The following SERPINC1 variants were observed in gnomAD, a reference collection of about 807,000 sequenced individuals.
The protein encoded by SERPINC1 is serpin family C member 1, also known as antithrombin-III.
Under a neutral mutation model 43.4 loss-of-function variants are expected in SERPINC1, and 12 were observed. That is an observed-to-expected ratio of 0.28 (90% CI 0.18 to 0.45). SERPINC1 has a LOEUF of 0.45. Ranked by LOEUF, SERPINC1 falls within the 20% of genes least tolerant of loss-of-function variation. SERPINC1 has a pLI of 1.00. For missense variants in SERPINC1, 423 were observed against 578.8 expected (o/e 0.73, Z 2.76); for synonymous variants, 210 against 218.9 (o/e 0.96, Z 0.36).
At chr1:173,905,580 G>A (rs1416735729) in intron 6 of SERPINC1, among the ~76,000 whole-genome samples, 1 of 152,066 alleles carries the variant, frequency 6.6e-6, no homozygotes, top group Non-Finnish European at 1.5e-5. Flanking sequence ...ATTTAGTCGG[G>A]CGTGGTGGCG....
Position 173,914,890 on chromosome 1 carries a change from A to G in SERPINC1, c.71T>C (p.Ile24Thr), listed in dbSNP as rs1211286118. ...ACAGGTCACGCAGTCCCAGAAGCCAATGAGCAGCAAGGACAAAAGATAAAC... is the reference window on the plus strand; with the variant it reads ...ACAGGTCACGCAGTCCCAGAAGCCAGTGAGCAGCAAGGACAAAAGATAAAC... ...RKVYLLSLLL[I>T]GFWDCVTCHG... Residue 24 changes from isoleucine (I) to threonine (T), a missense_variant, in exon 2 of 7, where the codon ATT becomes ACT. Transcript: ENST00000367698. 4 of 1,614,160 alleles carry G rather than the reference A, an allele frequency of 2.5e-6. No individual in the cohort carries two copies. The East Asian group carries it at 6.7e-5, about 27-fold the overall frequency.
chr1:173,909,651 T>C lies in SERPINC1; in HGVS notation c.1054A>G (p.Met352Val), dbSNP rs886045594. ...CCGTCCTCAATGCGGAAGCGGGGCA[T>C]GTGGACCACCAGCATCATCTCCTCC... ...ELEEMMLVVH[M>V]PRFRIEDGFS... The change falls in exon 5 of 7, where the codon ATG becomes GTG. Residue 352 changes from methionine (M) to valine (V), a missense_variant. Physicochemically the swap from Met to Val is conservative, Grantham distance 21. Coordinates refer to ENST00000367698, the MANE Select transcript of SERPINC1 (RefSeq NM_000488.4). The C allele has an allele frequency of 5.0e-6, 8 of 1,613,760 alleles. No individual in the cohort carries two copies. The highest frequency in any genetic ancestry group is 6.8e-6 in the Non-Finnish European group (8 of 1,179,774).
rs375471069 is a variant in SERPINC1, at chr1:173,908,559, ATTAT to A, written c.1153+989_1153+992del. Among the ~76,000 whole-genome samples, 1,285 of 147,626 alleles carry A rather than the reference ATTAT, an allele frequency of 8.7e-3. 16 individuals are homozygous for A. The highest frequency in any genetic ancestry group is 0.031 in the African/African-American group (1,231 of 40,288). Reference sequence around the variant, plus strand: ...TTACTTAACATCGTAAACTTATTTTATTATTTATTTATTTATTTAGTGATAGGAC... The same window carrying A: ...TTACTTAACATCGTAAACTTATTTTATTATTTATTTATTTAGTGATAGGAC... On this transcript the variant is annotated intron_variant, in intron 5 of 6. Coordinates refer to ENST00000367698, the MANE Select transcript of SERPINC1 (RefSeq NM_000488.4).
At chr1:173,904,476 T>TA (rs1419116454) in intron 6 of SERPINC1, among the ~76,000 whole-genome samples, 4 of 152,150 alleles carry the variant, frequency 2.6e-5, no homozygotes, top group African/African-American at 9.7e-5. Flanking sequence ...AGATCCAAGA[T>TA]ACAGCTACTC....
At position 173,917,213 on chromosome 1, in the gene SERPINC1, T is replaced by C; in HGVS notation, c.41+6A>G. On this transcript the variant is annotated splice_donor_region_variant and intron_variant, in intron 1 of 6. Coordinates refer to ENST00000367698, the MANE Select transcript of SERPINC1 (RefSeq NM_000488.4). ...GGCAGGCAAGGGGAAAGCTCACCCC[T>C]CTTACCTTTTTCCAGAGGTTACAGT... 2 of 1,613,726 alleles carry C rather than the reference T, an allele frequency of 1.2e-6. No individual in the cohort carries two copies.
At chr1:173,909,985 G>A (rs774744099) in intron 4 of SERPINC1, 43 bp from the exon 5 acceptor site, 45 of 1,596,740 alleles carry the variant, frequency 2.8e-5, no homozygotes, top group African/African-American at 1.3e-4. Flanking sequence ...ATTCATAGGA[G>A]GATAGTTATT....
At chr1:173,906,725 C>T (rs1055885189) in intron 6 of SERPINC1, among the ~76,000 whole-genome samples, 7 of 151,456 alleles carry the variant, frequency 4.6e-5, no homozygotes, top group African/African-American at 2.4e-5. Context: ...TCAAGTGATT[C>T]TTCCATCTCA....
At position 173,911,842 on chromosome 1, in the gene SERPINC1, C is replaced by T; in HGVS notation, c.581G>A (p.Ser194Asn). Reference sequence around the variant, plus strand: ...GAGCTTGGCTCCATATACCAACTCACTGATGTCCTGGTAGGTCTCATTGAA... The same window carrying T: ...GAGCTTGGCTCCATATACCAACTCATTGATGTCCTGGTAGGTCTCATTGAA... ...LTFNETYQDISELVYGAKLQP... is the reference protein window; with the variant it reads ...LTFNETYQDINELVYGAKLQP... The change falls in exon 3 of 7, where the codon AGT (serine) becomes AAT (asparagine). Residue 194 changes from serine (S) to asparagine (N), a missense_variant. Transcript: ENST00000367698. The T allele has an allele frequency of 6.2e-7, 1 of 1,614,206 alleles. No homozygotes were observed. Among genetic ancestry groups the T allele is most frequent in the Non-Finnish European group, 8.5e-7 (1 of 1,180,030 alleles).
Position 173,914,698 on chromosome 1 carries a change from G to T in SERPINC1, c.263C>A (p.Ser88Tyr), listed in dbSNP as rs775520108. ...RRVWELSKAN[S>Y]RFATTFYQHL... ...CTGATAGAAAGTGGTAGCAAAGCGG[G>T]AATTGGCCTTGGACAGTTCCCAGAC... Residue 88 changes from serine to tyrosine, a missense_variant, in exon 2 of 7, where the codon TCC becomes TAC. Ser to Tyr is a moderately radical substitution (Grantham distance 144, BLOSUM62 -2). Coordinates refer to ENST00000367698, the MANE Select transcript of SERPINC1 (RefSeq NM_000488.4). The T allele has an allele frequency of 1.2e-6, 2 of 1,614,234 alleles. No homozygotes were observed. The highest frequency in any genetic ancestry group is 3.3e-4 in the Middle Eastern group (2 of 6,056).
intron 1 of SERPINC1, 77 bp downstream of exon 1, chr1:173,917,142 G>A: frequency 8.1e-7 from 1 of 1,238,172 alleles, no homozygotes; most frequent in Non-Finnish European, 1.2e-6. Flanking sequence ...CAAAGGTGTT[G>A]GAGGTCATTC....
At chr1:173,904,135 A>G (rs1253548608) in intron 6 of SERPINC1, 70 bp from the exon 7 acceptor site, 1 of 1,429,104 alleles carries the variant, frequency 7.0e-7, no homozygotes, top group African/African-American at 1.4e-5. Context: ...TAAATCATCC[A>G]CAGACACAGC....
At chr1:173,907,572 A>G in intron 5 of SERPINC1, 58 bp from the exon 6 acceptor site, 1 of 1,220,906 alleles carries the variant, frequency 8.2e-7, no homozygotes, top group South Asian at 1.2e-5. Context: ...TTCAACCCAC[A>G]GATGGGAATT....
At chr1:173,910,072 A>T (rs545134723) in intron 4 of SERPINC1, 130 bp from the exon 5 acceptor site, 15 of 911,006 alleles carry the variant, frequency 1.6e-5, no homozygotes, top group African/African-American at 4.9e-5. Flanking sequence ...GATATGCACA[A>T]AAAGGTTAAC....
Position 173,917,242 on chromosome 1 carries a change from T to C in SERPINC1, c.18A>G (p.Ile6Met). 1 of 1,614,078 alleles carries C rather than the reference T, an allele frequency of 6.2e-7. No individual in the cohort carries two copies. The highest frequency in any genetic ancestry group is 8.5e-7 in the Non-Finnish European group (1 of 1,179,958). MYSNV[I>M]GTVTSGKRKV... ...ACCTTTTTCCAGAGGTTACAGTTCC[T>C]ATCACATTGGAATACATGGCCGCTA... is the stretch of plus-strand genomic sequence containing the variant. Residue 6 changes from isoleucine to methionine, a missense_variant, in exon 1 of 7, where the codon ATA becomes ATG. Transcript: ENST00000367698.
At chr1:173,912,479 T>A (rs1657809919) in intron 2 of SERPINC1, among the ~76,000 whole-genome samples, 1 of 152,156 alleles carries the variant, frequency 6.6e-6, no homozygotes, top group African/African-American at 2.4e-5. Flanking sequence ...GCTCAGAATC[T>A]AAGAGCTCAG....
At chr1:173,910,271 A>C (rs927507640) in intron 4 of SERPINC1, among the ~76,000 whole-genome samples, 1 of 152,174 alleles carries the variant, frequency 6.6e-6, no homozygotes, top group Non-Finnish European at 1.5e-5. Flanking sequence ...CAGTAAATGC[A>C]TTTTACTAGG....
intron 6 of SERPINC1, among the ~76,000 whole-genome samples, chr1:173,906,939 G>A (rs1375229347): frequency 6.6e-6 from 1 of 152,124 alleles, no homozygotes; most frequent in Non-Finnish European, 1.5e-5. Context: ...CCAACATGGA[G>A]AAACCCTGTT....
In SERPINC1 at chr1:173,909,697, C is replaced by A; in HGVS notation, c.1008G>T (p.Leu336=). 6.2e-7 allele frequency: 1 copy of A among 1,614,140 alleles called. No individual in the cohort carries two copies. Residue 336 remains leucine (L), a synonymous_variant, in exon 5 of 7, where the codon CTG becomes CTT. Coordinates refer to ENST00000367698, the MANE Select transcript of SERPINC1 (RefSeq NM_000488.4). ...KVEKELTPEV[L]QEWLDELEEM... is the part of the protein sequence containing the mutation. Reference sequence around the variant, plus strand: ...CCTCCAATTCATCCAGCCACTCTTGCAGCACCTCTGGGGTGAGTTCCTTCT... The same window carrying A: ...CCTCCAATTCATCCAGCCACTCTTGAAGCACCTCTGGGGTGAGTTCCTTCT...
At chr1:173,906,505 C>CT (rs946998935) in intron 6 of SERPINC1, among the ~76,000 whole-genome samples, 1 of 152,184 alleles carries the variant, frequency 6.6e-6, no homozygotes, top group African/African-American at 2.4e-5. Flanking sequence ...TTGGAGCACA[C>CT]TTTAAGACAC....
Sources: allele counts gnomAD v4.1 joint callset (sites outside exome capture counted in the v4.1 genomes callset), GRCh38; gene constraint gnomAD v4.1.1; transcripts MANE v1.5; gene names NCBI Gene and HGNC (gene_info 2026-07-23, HGNC 2026-07-21).